SSBP3: variants seen among roughly 807,000 people sequenced by gnomAD.
The protein encoded by SSBP3 is single stranded DNA binding protein 3.
Under a neutral mutation model 69.6 loss-of-function variants are expected in SSBP3, and 5 were observed. That is an observed-to-expected ratio of 0.07 (90% confidence interval 0.04 to 0.15). SSBP3 has a LOEUF of 0.15. Ranked by LOEUF, SSBP3 falls within the 10% of genes least tolerant of loss-of-function variation. The pLI is 1.00. For missense variants in SSBP3, 312 were observed against 534.0 expected (o/e 0.58, Z 4.10); for synonymous variants, 196 against 193.4 (o/e 1.01, Z -0.11).
intron 9 of SSBP3, among the ~76,000 whole-genome samples, chr1:54,244,281 T>C (rs1644695761): frequency 6.6e-6 from 1 of 152,184 alleles, no homozygotes; most frequent in African/African-American, 2.4e-5. Context: ...TATTTGTATT[T>C]TTAGTAGAGA....
intron 4 of SSBP3, among the ~76,000 whole-genome samples, chr1:54,310,054 C>T (rs1488607931): frequency 3.3e-5 from 5 of 152,152 alleles, no homozygotes; most frequent in East Asian, 1.9e-4. Context: ...CCGCAGATCT[C>T]GGTCCAGAGC....
intron 4 of SSBP3, among the ~76,000 whole-genome samples, chr1:54,398,240 G>A (rs1649035597): frequency 6.6e-6 from 1 of 152,172 alleles, no homozygotes; most frequent in Non-Finnish European, 1.5e-5. Flanking sequence ...CGACGAGGCA[G>A]CTGCAAAGCC....
At chr1:54,380,697 C>T (rs1647561096) in intron 4 of SSBP3, among the ~76,000 whole-genome samples, 1 of 152,170 alleles carries the variant, frequency 6.6e-6, no homozygotes, top group Admixed American at 6.5e-5. Context: ...TGGCTGACAC[C>T]TGTGCCTCAG....
chr1:54,321,365 T>C (rs1316917775), intron 4 of SSBP3, among the ~76,000 whole-genome samples: 1 of 152,238 alleles, frequency 6.6e-6, no homozygotes, highest in Non-Finnish European at 1.5e-5. Flanking sequence ...AACTGTGGAC[T>C]TGAGTGGGGC....
At chr1:54,358,621 G>A (rs1646904737) in intron 4 of SSBP3, among the ~76,000 whole-genome samples, 1 of 152,184 alleles carries the variant, frequency 6.6e-6, no homozygotes, top group African/African-American at 2.4e-5. Flanking sequence ...TGAGGAGGAT[G>A]CCCAGTCTGA....
At chr1:54,340,623 T>C (rs1185130864) in intron 4 of SSBP3, among the ~76,000 whole-genome samples, 1 of 152,234 alleles carries the variant, frequency 6.6e-6, no homozygotes, top group African/African-American at 2.4e-5. Context: ...TTTTGCTTCA[T>C]CACCCTCGGT....
upstream of SSBP3, among the ~76,000 whole-genome samples, chr1:54,409,982 T>G (rs1445059956): frequency 6.6e-6 from 1 of 152,104 alleles, no homozygotes; most frequent in Non-Finnish European, 1.5e-5. Context: ...CCTTCCCAGA[T>G]CCCCCCTCTG....
At chr1:54,246,930 G>A (rs1054850887) in intron 9 of SSBP3, among the ~76,000 whole-genome samples, 10 of 152,250 alleles carry the variant, frequency 6.6e-5, no homozygotes, top group African/African-American at 1.7e-4. Context: ...GCAGCACCAC[G>A]TGGCTGGAGG....
In SSBP3 at chr1:54,322,604, T is replaced by C. The variant is rs533723492; in HGVS notation, c.277-41077A>G. 3.3e-5 allele frequency among the ~76,000 whole-genome samples: 5 copies of C among 151,544 alleles called. No individual in the cohort carries two copies. In the East Asian group the frequency reaches 7.8e-4, roughly 24 times the overall value. ...AAGCAGGAACATGGGATCTACATTA[T>C]GTATGCTAAAGAGATGTAGGAAGCA... On this transcript the variant is annotated intron_variant, in intron 4 of 17. Coordinates refer to ENST00000610401, the Ensembl canonical transcript of SSBP3.
chr1:54,322,220 C>G (rs1469257218), intron 4 of SSBP3, among the ~76,000 whole-genome samples: 1 of 152,192 alleles, frequency 6.6e-6, no homozygotes, highest in Non-Finnish European at 1.5e-5. Context: ...AAGGAAGACA[C>G]AGAATCAGGC....
exon 10 of SSBP3, chr1:54,243,276 T>C (rs767467580): frequency 1.2e-6 from 2 of 1,613,540 alleles, no homozygotes; most frequent in Non-Finnish European, 1.7e-6. Context: ...AGTTGGGTGG[T>C]GGTCTCATGC....
chr1:54,383,247 G>A (rs943025007), intron 4 of SSBP3, among the ~76,000 whole-genome samples: 6 of 151,796 alleles, frequency 4.0e-5, no homozygotes, highest in South Asian at 2.1e-4. Flanking sequence ...GCGTGGTGGC[G>A]TGAGCCTGTA....
chr1:54,323,048 A>G (rs1471213778), intron 4 of SSBP3, among the ~76,000 whole-genome samples: 1 of 152,232 alleles, frequency 6.6e-6, no homozygotes, highest in Non-Finnish European at 1.5e-5. Flanking sequence ...CTTCCAGAAC[A>G]AAGACAAGGC....
At chr1:54,242,361 G>A in intron 10 of SSBP3, 149 bp from the exon 11 acceptor site, 1 of 747,800 alleles carries the variant, frequency 1.3e-6, no homozygotes, top group South Asian at 1.9e-5. Flanking sequence ...GCTCAGGGCA[G>A]TAATGGGTAA....
intron 4 of SSBP3, among the ~76,000 whole-genome samples, chr1:54,344,930 C>T (rs754619837): frequency 6.6e-6 from 1 of 152,214 alleles, no homozygotes; most frequent in Non-Finnish European, 1.5e-5. Flanking sequence ...AGTCCACGTG[C>T]GTACAGCTGT....
At chr1:54,350,562 G>A (rs756087499) in intron 4 of SSBP3, among the ~76,000 whole-genome samples, 9 of 152,198 alleles carry the variant, frequency 5.9e-5, no homozygotes, top group Non-Finnish European at 7.3e-5. Context: ...TCTAAGACAT[G>A]TGCACAACCC....
At chr1:54,375,243 T>G (rs1647198922) in intron 4 of SSBP3, among the ~76,000 whole-genome samples, 1 of 152,178 alleles carries the variant, frequency 6.6e-6, no homozygotes, top group Admixed American at 6.5e-5. Flanking sequence ...ACCATGGGAC[T>G]GACAGGGAAA....
chr1:54,272,711 G>GGT (rs1645217194), intron 5 of SSBP3, among the ~76,000 whole-genome samples: 1 of 152,204 alleles, frequency 6.6e-6, no homozygotes, highest in Non-Finnish European at 1.5e-5. Context: ...GCCGACCTGC[G>GGT]GCAGAGCAGC....
intron 4 of SSBP3, among the ~76,000 whole-genome samples, chr1:54,388,601 CTCGCTGTCCAGTGA>C (rs1337312880): frequency 2.6e-5 from 4 of 152,350 alleles, no homozygotes; most frequent in African/African-American, 9.6e-5. Flanking sequence ...GATTTCCGGA[CTCGCTGTCCAGTGA>C]TCCATCTGCT....
Sources: allele counts gnomAD v4.1 joint callset (sites outside exome capture counted in the v4.1 genomes callset), GRCh38; gene constraint gnomAD v4.1.1; transcripts MANE v1.5; gene names NCBI Gene and HGNC (gene_info 2026-07-23, HGNC 2026-07-21).